Variants in HERC2 observed in about 807,000 individuals in gnomAD.
The protein encoded by HERC2 is E3 ubiquitin-protein ligase HERC2.
HERC2 carries 102 observed loss-of-function variants against 537.7 expected under a neutral mutation model. The observed-to-expected ratio is 0.19, with a 90% CI of 0.16 to 0.22. The LOEUF (loss-of-function observed/expected upper bound fraction) is 0.22. Ranked by LOEUF, HERC2 falls within the 10% of genes least tolerant of loss-of-function variation. The probability of loss-of-function intolerance (pLI) is 1.00; values close to 1 mark genes in which losing one functional copy is unlikely to be tolerated. For missense variants in HERC2, 4,236 were observed against 6,198.2 expected, an observed-to-expected ratio of 0.68 and a Z score of 10.63; for synonymous variants, 2,224 against 2,466.2, an observed-to-expected ratio of 0.90 and a Z score of 2.91.
Position 28,233,186 on chromosome 15 carries a change from C to A in HERC2, c.4635G>T (p.Arg1545Ser), listed in dbSNP as rs537949137. ...KLLSSLPRWR[R>S]IAQKIIRERR... ...GTTCTCGAATTATCTTTTGAGCTAT[C>A]CTCCTCCAACGGGGCAAAGAACTTA... is the stretch of plus-strand genomic sequence containing the variant. Residue 1545 changes from arginine (R) to serine (S), a missense_variant, in exon 30 of 93, where the codon AGG (arginine) becomes AGT (serine). Transcript: ENST00000261609. 5 of 1,611,804 alleles carry A rather than the reference C, an allele frequency of 3.1e-6. No homozygotes were observed. In the South Asian group the frequency reaches 5.5e-5, roughly 18 times the overall value.
At chr15:28,144,308 C>G (rs570198849) in intron 72 of HERC2, 73 bp from the exon 73 acceptor site, 6 of 1,531,694 alleles carry the variant, frequency 3.9e-6, no homozygotes, top group African/African-American at 2.7e-5. Context: ...CGCCAACGAA[C>G]AAGGGTGGCT....
chr15:28,144,541 G>T, intron 72 of HERC2, 132 bp downstream of exon 72: 1 of 1,265,600 alleles, frequency 7.9e-7, no homozygotes, highest in Non-Finnish European at 1.1e-6. Flanking sequence ...CAGGGCCTGT[G>T]AGAGCACTCA....
chr15:28,248,766 T>C (rs1903969469), intron 20 of HERC2, 30 bp from the exon 21 acceptor site: 1 of 1,553,990 alleles, frequency 6.4e-7, no homozygotes. Context: ...ATTACAAAAT[T>C]AAACAAGATA....
intron 45 of HERC2, among the ~76,000 whole-genome samples, chr15:28,204,383 A>G (rs1347704838): frequency 1.3e-5 from 2 of 152,188 alleles, no homozygotes; most frequent in East Asian, 3.9e-4. Flanking sequence ...GCACTTTGGG[A>G]GCCCGAGGAG....
At chr15:28,258,332 C>G (rs1233457744) in intron 16 of HERC2, among the ~76,000 whole-genome samples, 1 of 152,020 alleles carries the variant, frequency 6.6e-6, no homozygotes, top group Non-Finnish European at 1.5e-5. Flanking sequence ...ATTAGCCAAG[C>G]ATGCTGGTGC....
At position 28,257,143 on chromosome 15, in the gene HERC2, C is replaced by T; in HGVS notation, c.2435G>A (p.Gly812Glu). The T allele has an allele frequency of 6.2e-7, 1 of 1,613,800 alleles. No individual in the cohort carries two copies. Among genetic ancestry groups the T allele is most frequent in the East Asian group, 2.2e-5 (1 of 44,866 alleles). The change falls in exon 17 of 93, where the codon GGG becomes GAG. Residue 812 changes from glycine (G) to glutamate (E), a missense_variant. Transcript: ENST00000261609. ...GGGCCAGTCCGCGGAACCATCCATCCCCTCACTCACCTGCCGAAGCAGGAG... is the reference window on the plus strand; with the variant it reads ...GGGCCAGTCCGCGGAACCATCCATCTCCTCACTCACCTGCCGAAGCAGGAG... ...LDLLLRQVSE[G>E]MDGSADWPPP... is the part of the protein sequence containing the mutation.
chr15:28,141,278 C>A (rs1891200025), intron 78 of HERC2, among the ~76,000 whole-genome samples, 154 bp downstream of exon 78: 1 of 151,614 alleles, frequency 6.6e-6, no homozygotes, highest in Non-Finnish European at 1.5e-5. Flanking sequence ...ACAAAAATAT[C>A]TTAGAACTCT....
chr15:28,237,713 T>G (rs1902611253), intron 25 of HERC2, among the ~76,000 whole-genome samples: 1 of 152,190 alleles, frequency 6.6e-6, no homozygotes, highest in Non-Finnish European at 1.5e-5. Context: ...TCCCAATATA[T>G]AAATTCTATG....
rs1412308397 is a variant in HERC2, at chr15:28,229,663, T to A, written c.4983+11A>T. The A allele has an allele frequency of 1.9e-6, 3 of 1,611,016 alleles. No individual in the cohort carries two copies. The highest frequency in any genetic ancestry group is 2.5e-6 in the Non-Finnish European group (3 of 1,179,014). On this transcript the variant is annotated intron_variant, in intron 32 of 92. Transcript: ENST00000261609. ...ACCCAATGCAGAGAAGCATTTCTCA[T>A]CAAATGTTACCTGTTTTAGTAGGCA...
intron 3 of HERC2, among the ~76,000 whole-genome samples, chr15:28,297,823 T>G (rs1048569468): frequency 3.3e-5 from 5 of 150,120 alleles, no homozygotes; most frequent in African/African-American, 1.2e-4. Flanking sequence ...TACATTTCAT[T>G]ATATACAAAT....
chr15:28,257,782 C>T (rs1277479562), intron 16 of HERC2, among the ~76,000 whole-genome samples: 1 of 151,506 alleles, frequency 6.6e-6, no homozygotes, highest in African/African-American at 2.4e-5. Context: ...CACTCTGTCA[C>T]CCAGACTGGA....
intron 43 of HERC2, among the ~76,000 whole-genome samples, chr15:28,211,739 C>T (rs1355844972): frequency 1.3e-5 from 2 of 152,190 alleles, no homozygotes; most frequent in East Asian, 3.9e-4. Flanking sequence ...TGGTGATTTG[C>T]ATGCACTGCA....
chr15:28,275,853 GT>G lies in HERC2; in HGVS notation c.543-849del, dbSNP rs1240869541. 2.0e-5 allele frequency among the ~76,000 whole-genome samples: 3 copies of G among 151,894 alleles called. No homozygotes were observed. In the East Asian group the frequency reaches 5.8e-4, roughly 29 times the overall value. ...ACTCAATCATGCACAGCAAGTAATT[GT>G]ATGTTATACTTTATACTATATCATG... is the stretch of plus-strand genomic sequence containing the variant. On this transcript the variant is annotated intron_variant, in intron 5 of 92. Coordinates refer to ENST00000261609, the MANE Select transcript of HERC2 (RefSeq NM_004667.6).
Position 28,116,280 on chromosome 15 carries a change from C to A in HERC2, c.13609+385G>T, listed in dbSNP as rs146727015. Among the ~76,000 whole-genome samples the A allele has an allele frequency of 4.2e-3, 617 of 146,574 alleles. 6 individuals are homozygous for A. The highest frequency in any genetic ancestry group is 0.015 in the African/African-American group (578 of 39,508). Reference sequence around the variant, plus strand: ...CCAGGCTGGAGTGCAATGGTACGATCTCAGCTCACTGCAACCTCCGCCTCC... The same window carrying A: ...CCAGGCTGGAGTGCAATGGTACGATATCAGCTCACTGCAACCTCCGCCTCC... On this transcript the variant is annotated intron_variant, in intron 88 of 92. Coordinates refer to ENST00000261609, the MANE Select transcript of HERC2 (RefSeq NM_004667.6).
intron 22 of HERC2, among the ~76,000 whole-genome samples, 175 bp from the exon 23 acceptor site, chr15:28,246,241 A>G (rs1903699046): frequency 6.6e-6 from 1 of 152,230 alleles, no homozygotes; most frequent in South Asian, 2.1e-4. Context: ...TATTAAACAG[A>G]ACCCTTTAAA....
At chr15:28,300,173 G>A (rs1458782926) in intron 2 of HERC2, among the ~76,000 whole-genome samples, 1 of 151,952 alleles carries the variant, frequency 6.6e-6, no homozygotes, top group Non-Finnish European at 1.5e-5. Flanking sequence ...GGGGAAATGG[G>A]GAGGGGACAT....
At chr15:28,169,410 C>G in intron 66 of HERC2, 74 bp downstream of exon 66, 1 of 1,150,132 alleles carries the variant, frequency 8.7e-7, no homozygotes, top group Admixed American at 2.4e-5. Context: ...ATCTGATCAA[C>G]GAAAAGAAAA....
chr15:28,274,195 C>T (rs1409071952), intron 7 of HERC2, 96 bp downstream of exon 7: 1 of 1,323,012 alleles, frequency 7.6e-7, no homozygotes. Flanking sequence ...AAAAACCAAC[C>T]TACTAGGCTT....
At chr15:28,284,098 A>C (rs1322849581) in intron 4 of HERC2, among the ~76,000 whole-genome samples, 1 of 152,228 alleles carries the variant, frequency 6.6e-6, no homozygotes, top group African/African-American at 2.4e-5. Context: ...CTAAGTACTT[A>C]TGAATGGAAT....
Sources: allele counts gnomAD v4.1 joint callset (sites outside exome capture counted in the v4.1 genomes callset), GRCh38; gene constraint gnomAD v4.1.1; transcripts MANE v1.5; gene names NCBI Gene and HGNC (gene_info 2026-07-23, HGNC 2026-07-21).